Variants in SEMA6D observed in about 807,000 individuals in gnomAD.
SEMA6D encodes semaphorin-6D.
SEMA6D carries 35 observed loss-of-function variants against 106.6 expected under a neutral mutation model. That is an observed-to-expected ratio of 0.33 (90% CI 0.25 to 0.44). SEMA6D has a LOEUF of 0.44. Ranked by LOEUF, SEMA6D falls within the 20% of genes least tolerant of loss-of-function variation. The pLI, the probability that SEMA6D is intolerant of heterozygous loss-of-function variation, is 1.00. For synonymous variants in SEMA6D, 499 were observed against 487.7 expected (o/e 1.02, Z -0.31); for missense variants, 1,185 against 1,345.9 (o/e 0.88, Z 1.87).
intron 2 of SEMA6D, among the ~76,000 whole-genome samples, chr15:47,460,457 G>C (rs180809161): frequency 7.2e-5 from 11 of 152,132 alleles, no homozygotes; most frequent in African/African-American, 2.6e-4. Flanking sequence ...AAAATGATGA[G>C]TACCCGACTC....
intron 1 of SEMA6D, among the ~76,000 whole-genome samples, chr15:47,313,142 T>C (rs1603507): frequency 0.99 from 150,544 of 152,260 alleles, 74,436 homozygotes; most frequent in Middle Eastern, 1. Flanking sequence ...TGCCCAAACT[T>C]CATAGTTTAT....
At chr15:47,402,813 A>G (rs959097154) in intron 1 of SEMA6D, among the ~76,000 whole-genome samples, 1 of 150,038 alleles carries the variant, frequency 6.7e-6, no homozygotes, top group African/African-American at 2.5e-5. Flanking sequence ...CATTTGACAT[A>G]AGGAAAAGCG....
intron 3 of SEMA6D, among the ~76,000 whole-genome samples, chr15:47,537,815 G>C (rs987947023): frequency 2.0e-5 from 3 of 152,198 alleles, no homozygotes; most frequent in Non-Finnish European, 2.9e-5. Flanking sequence ...GATAATACAT[G>C]GCTGTCAGTG....
intron 4 of SEMA6D, among the ~76,000 whole-genome samples, chr15:47,652,259 C>A (rs1413390700): frequency 2.6e-5 from 4 of 152,086 alleles, no homozygotes; most frequent in Non-Finnish European, 5.9e-5. Flanking sequence ...GGAGAAAAAA[C>A]CCAAAATCTA....
intron 2 of SEMA6D, among the ~76,000 whole-genome samples, chr15:47,451,394 G>C (rs1276360853): frequency 6.6e-6 from 1 of 152,016 alleles, no homozygotes; most frequent in Non-Finnish European, 1.5e-5. Flanking sequence ...GGACATGGAG[G>C]ATGGTGGTTG....
At chr15:47,327,929 G>C (rs771519587) in intron 1 of SEMA6D, among the ~76,000 whole-genome samples, 7 of 152,128 alleles carry the variant, frequency 4.6e-5, no homozygotes, top group Non-Finnish European at 1.0e-4. Context: ...AACTATCTCA[G>C]CGTTATACCT....
At chr15:47,651,146 A>G (rs1469336990) in intron 4 of SEMA6D, among the ~76,000 whole-genome samples, 2 of 152,196 alleles carry the variant, frequency 1.3e-5, no homozygotes, top group Non-Finnish European at 2.9e-5. Flanking sequence ...ATGATGGCTC[A>G]TACCTGTAAT....
At chr15:47,582,928 C>T (rs946044337) in intron 3 of SEMA6D, among the ~76,000 whole-genome samples, 5 of 152,186 alleles carry the variant, frequency 3.3e-5, no homozygotes, top group African/African-American at 1.2e-4. Flanking sequence ...TATCATTTGC[C>T]ACAAAATATT....
intron 1 of SEMA6D, among the ~76,000 whole-genome samples, chr15:47,241,878 A>C (rs1044474760): frequency 1.3e-5 from 2 of 152,088 alleles, no homozygotes; most frequent in Admixed American, 1.3e-4. Context: ...AATTCTGTGT[A>C]ACACATGAAT....
chr15:47,314,554 C>T (rs1422007067), intron 1 of SEMA6D, among the ~76,000 whole-genome samples: 2 of 125,662 alleles, frequency 1.6e-5, no homozygotes, highest in Admixed American at 9.5e-5. Flanking sequence ...GCCGAGATCC[C>T]GCCACTGCAC....
Position 47,698,315 on chromosome 15 carries a change from G to A in SEMA6D, c.-54-61430G>A, listed in dbSNP as rs369338568. On this transcript the variant is annotated intron_variant, in intron 4 of 19. Coordinates refer to the SEMA6D transcript ENST00000558014. Reference sequence around the variant, plus strand: ...AAAAGAGATGAGAAAAAAAGGGCCAGTATCAGCTTAGGTATTATTTAACAG... The same window carrying A: ...AAAAGAGATGAGAAAAAAAGGGCCAATATCAGCTTAGGTATTATTTAACAG... Among the ~76,000 whole-genome samples, 4 of 152,274 alleles carry A rather than the reference G, an allele frequency of 2.6e-5. No individual in the cohort carries two copies. In the East Asian group the frequency reaches 7.7e-4, roughly 29 times the overall value.
chr15:47,489,245 C>T (rs557039557), intron 3 of SEMA6D, among the ~76,000 whole-genome samples: 21 of 152,270 alleles, frequency 1.4e-4, no homozygotes, highest in Middle Eastern at 3.4e-3. Flanking sequence ...AGGACAAATC[C>T]TCTCTGGAGT....
At chr15:47,279,078 G>T (rs1595616024) in intron 1 of SEMA6D, among the ~76,000 whole-genome samples, 1 of 38,488 alleles carries the variant, frequency 2.6e-5, no homozygotes, top group Non-Finnish European at 5.0e-5. Flanking sequence ...TTTGGCTCAG[G>T]ATTGACTTGG....
intron 3 of SEMA6D, among the ~76,000 whole-genome samples, chr15:47,476,319 C>T (rs2042999128): frequency 1.3e-5 from 2 of 152,048 alleles, no homozygotes; most frequent in Admixed American, 1.3e-4. Flanking sequence ...TTTAAGAATC[C>T]TAAGTGAACT....
At chr15:47,243,247 C>T (rs754342743) in intron 1 of SEMA6D, among the ~76,000 whole-genome samples, 2 of 152,030 alleles carry the variant, frequency 1.3e-5, no homozygotes, top group East Asian at 3.9e-4. Flanking sequence ...TTCACTGTTG[C>T]GCATACCCAG....
intron 4 of SEMA6D, among the ~76,000 whole-genome samples, chr15:47,615,615 T>C (rs2076992922): frequency 6.6e-6 from 1 of 152,156 alleles, no homozygotes; most frequent in Admixed American, 6.5e-5. Flanking sequence ...AGAAAACAAA[T>C]AAGGAATACC....
At chr15:47,453,336 T>A (rs1413020507) in intron 2 of SEMA6D, among the ~76,000 whole-genome samples, 2 of 149,850 alleles carry the variant, frequency 1.3e-5, no homozygotes, top group African/African-American at 4.9e-5. Flanking sequence ...AAAGTGACAA[T>A]TTCTATCGCT....
At chr15:47,390,400 G>T (rs2039985361) in intron 1 of SEMA6D, among the ~76,000 whole-genome samples, 2 of 152,170 alleles carry the variant, frequency 1.3e-5, no homozygotes, top group Non-Finnish European at 2.9e-5. Context: ...CAGCCACCAT[G>T]AAACCAAAAC....
intron 1 of SEMA6D, among the ~76,000 whole-genome samples, chr15:47,751,360 T>C (rs565101671): frequency 6.6e-6 from 1 of 152,334 alleles, no homozygotes; most frequent in Non-Finnish European, 1.5e-5. Context: ...CTCTTTGCCC[T>C]CTCTCAACTT....
Sources: allele counts gnomAD v4.1 joint callset (sites outside exome capture counted in the v4.1 genomes callset), GRCh38; gene constraint gnomAD v4.1.1; transcripts MANE v1.5; gene names NCBI Gene and HGNC (gene_info 2026-07-23, HGNC 2026-07-21).